TNS3: variants seen among roughly 807,000 people sequenced by gnomAD.
TNS3 encodes the protein tensin-3.
A neutral mutation model predicts 140.9 loss-of-function variants in TNS3; 45 were observed. That is an observed-to-expected ratio of 0.32 (90% confidence interval 0.25 to 0.41). The LOEUF (loss-of-function observed/expected upper bound fraction) is 0.41, where lower values mean the gene tolerates loss of function less well. Ranked by LOEUF, TNS3 falls within the 10% of genes least tolerant of loss-of-function variation. The pLI is 1.00. For synonymous variants in TNS3, 815 were observed against 788.4 expected, an observed-to-expected ratio of 1.03 and a Z score of -0.56; for missense variants, 1,716 against 1,906.7, an observed-to-expected ratio of 0.90 and a Z score of 1.86.
At chr7:47,300,669 C>T (rs1786346298) in intron 23 of TNS3, among the ~76,000 whole-genome samples, 1 of 152,344 alleles carries the variant, frequency 6.6e-6, no homozygotes, top group East Asian at 1.9e-4. Flanking sequence ...CCCTAGAAGA[C>T]GGCACCAATA....
chr7:47,362,813 T>C (rs1255858393), intron 17 of TNS3, among the ~76,000 whole-genome samples: 2 of 151,244 alleles, frequency 1.3e-5, no homozygotes, highest in Non-Finnish European at 1.5e-5. Context: ...ATCATCACCA[T>C]CATCACAGTC....
At chr7:47,562,085 A>G (rs1800328343) in intron 1 of TNS3, among the ~76,000 whole-genome samples, 1 of 152,248 alleles carries the variant, frequency 6.6e-6, no homozygotes, top group Non-Finnish European at 1.5e-5. Flanking sequence ...CACAGTTGCA[A>G]TACAGTTTGA....
intron 1 of TNS3, among the ~76,000 whole-genome samples, chr7:47,538,009 A>C (rs1799667976): frequency 6.9e-6 from 1 of 143,956 alleles, no homozygotes; most frequent in Admixed American, 7.0e-5. Context: ...AAATCAGGAC[A>C]ATTCACAGCA....
In TNS3 at chr7:47,493,705, G is replaced by A. The variant is rs182069971; in HGVS notation, c.-114-12564C>T. Reference sequence around the variant, plus strand: ...TAGCCGGGCATGGTGGCGGGCGCCTGTAGTCCCAGCTACTTGGGAGGCTGA... The same window carrying A: ...TAGCCGGGCATGGTGGCGGGCGCCTATAGTCCCAGCTACTTGGGAGGCTGA... On this transcript the variant is annotated intron_variant, in intron 3 of 30. Transcript: ENST00000311160. Among the ~76,000 whole-genome samples, 257 of 151,482 alleles carry A rather than the reference G, an allele frequency of 1.7e-3. 1 individual carries two copies. The highest frequency in any genetic ancestry group is 6.0e-3 in the African/African-American group (247 of 41,328).
chr7:47,562,329 T>C (rs1484717370), intron 1 of TNS3, among the ~76,000 whole-genome samples: 1 of 152,086 alleles, frequency 6.6e-6, no homozygotes, highest in African/African-American at 2.4e-5. Context: ...TTAGATTTAT[T>C]TGGTCAAAGG....
intron 16 of TNS3, among the ~76,000 whole-genome samples, chr7:47,388,095 A>G (rs945664236): frequency 6.6e-6 from 1 of 152,194 alleles, no homozygotes; most frequent in African/African-American, 2.4e-5. Flanking sequence ...CCTGCCATTC[A>G]GGCCCCCTAC....
chr7:47,278,021 G>A lies in TNS3; in HGVS notation c.*55C>T, dbSNP rs566573011. The A allele has an allele frequency of 3.7e-5, 60 of 1,612,484 alleles. No homozygotes were observed. The highest frequency in any genetic ancestry group is 1.1e-4 in the East Asian group (5 of 44,848). On this transcript the variant is annotated 3_prime_UTR_variant, in exon 31 of 31. Transcript: ENST00000311160. ...AGTGGGGGCCCCACCCTCACCCAAC[G>A]GCTGTCTCCAGGGCTTCGAGAGGCA...
intron 30 of TNS3, 29 bp from the exon 31 acceptor site, chr7:47,278,249 T>C: frequency 2.5e-6 from 4 of 1,605,290 alleles, no homozygotes; most frequent in Non-Finnish European, 3.4e-6. Flanking sequence ...GTCAGAGTGG[T>C]CAGTGTCCCA....
chr7:47,521,747 A>C (rs1162762826), intron 2 of TNS3, among the ~76,000 whole-genome samples: 2 of 152,108 alleles, frequency 1.3e-5, no homozygotes, highest in Admixed American at 1.3e-4. Flanking sequence ...CTCTCAAAGC[A>C]CCTGGGGGAG....
intron 3 of TNS3, among the ~76,000 whole-genome samples, chr7:47,506,476 T>C (rs998288758): frequency 6.6e-6 from 1 of 151,876 alleles, no homozygotes; most frequent in Non-Finnish European, 1.5e-5. Flanking sequence ...CAGGTTTCCG[T>C]GGCAGCTGAA....
At chr7:47,327,971 T>C (rs1040646761) in intron 20 of TNS3, among the ~76,000 whole-genome samples, 3 of 151,878 alleles carry the variant, frequency 2.0e-5, no homozygotes, top group Non-Finnish European at 1.5e-5. Flanking sequence ...AGTCCCAATG[T>C]ACAGCTTACC....
intron 4 of TNS3, among the ~76,000 whole-genome samples, chr7:47,467,207 A>G (rs573163055): frequency 3.2e-4 from 48 of 152,304 alleles, no homozygotes; most frequent in African/African-American, 1.0e-3. Context: ...AAGACAGGCC[A>G]TGGGGCTACC....
intron 1 of TNS3, among the ~76,000 whole-genome samples, chr7:47,554,236 G>A (rs971222988): frequency 6.6e-6 from 1 of 151,214 alleles, no homozygotes; most frequent in African/African-American, 2.4e-5. Context: ...CTGCCAACAT[G>A]GTGAAACCCT....
chr7:47,338,919 C>G (rs969212987), intron 20 of TNS3, among the ~76,000 whole-genome samples: 1 of 152,162 alleles, frequency 6.6e-6, no homozygotes, highest in African/African-American at 2.4e-5. Flanking sequence ...AATCTTTAAA[C>G]TACTTTCCAC....
intron 13 of TNS3, among the ~76,000 whole-genome samples, chr7:47,405,131 A>G (rs1386913140): frequency 6.6e-6 from 1 of 152,186 alleles, no homozygotes; most frequent in African/African-American, 2.4e-5. Context: ...TCAACAAGAG[A>G]AAAAGCACCA....
At position 47,303,308 on chromosome 7, in the gene TNS3, G is replaced by T. The variant is rs571040304; in HGVS notation, c.3099C>A (p.Pro1033=). 3 of 1,613,404 alleles carry T rather than the reference G, an allele frequency of 1.9e-6. No individual in the cohort carries two copies. Among genetic ancestry groups the T allele is most frequent in the Non-Finnish European group, 2.5e-6 (3 of 1,179,794 alleles). Residue 1033 remains proline, a synonymous_variant, in exon 22 of 31, where the codon CCC becomes CCA. Coordinates refer to ENST00000311160, the MANE Select transcript of TNS3 (RefSeq NM_022748.12). ...GTAPVGSGLP[P]EEDLGALLAN... ...CCAGCAAGGCCCCCAGGTCCTCCTC[G>T]GGCGGAAGGCCACTTCCCACTGGGG...
intron 23 of TNS3, among the ~76,000 whole-genome samples, chr7:47,298,481 C>T (rs1197064329): frequency 2.0e-5 from 3 of 152,218 alleles, no homozygotes; most frequent in Admixed American, 6.5e-5. Flanking sequence ...CAGAGTGTTC[C>T]CTGATAACTA....
Position 47,469,973 on chromosome 7 carries a change from C to CAAAAAAAA in TNS3, c.-76+11122_-76+11129dup, listed in dbSNP as rs144012426. On this transcript the variant is annotated intron_variant, in intron 4 of 30. Coordinates refer to ENST00000311160, the MANE Select transcript of TNS3 (RefSeq NM_022748.12). ...TGGGCAACAGAATGAAACTCTGTCTCAAAAAAAAAAAAAAAAAAAAAAAAT... is the reference window on the plus strand; with the variant it reads ...TGGGCAACAGAATGAAACTCTGTCTCAAAAAAAAAAAAAAAAAAAAAAAAAAAAAAAAT... Among the ~76,000 whole-genome samples the CAAAAAAAA allele has an allele frequency of 5.4e-3, 352 of 64,858 alleles. 34 individuals carry two copies. The highest frequency in any genetic ancestry group is 0.027 in the African/African-American group (328 of 12,194). 42.5% of individuals were successfully genotyped at this position (64,858 alleles called of 152,430 possible).
In TNS3 at chr7:47,302,956, G is replaced by A. The variant is rs1383951327; in HGVS notation, c.3451C>T (p.Leu1151=). Residue 1151 remains leucine, a synonymous_variant, in exon 22 of 31, where the codon CTG becomes TTG. Transcript: ENST00000311160. ...FSKASEAASP[L]PDSPGDKLVI... ...CAGCTGGAAACACACCTACCTGGCA[G>A]AGGTGAGGCCGCTTCTGAAGCCTTG... 8 of 1,600,944 alleles carry A rather than the reference G, an allele frequency of 5.0e-6. No homozygotes were observed. The highest frequency in any genetic ancestry group is 2.2e-5 in the East Asian group (1 of 44,642).
Sources: gnomAD v4.1 joint callset for allele counts (sites outside exome capture counted in the v4.1 genomes callset) on GRCh38, gnomAD v4.1.1 for gene constraint, MANE v1.5 for transcripts, NCBI Gene and HGNC (gene_info 2026-07-23, HGNC 2026-07-21) for gene names.